The following ASAP1 variants were observed in gnomAD, a reference collection of about 807,000 sequenced individuals.
ASAP1 encodes the protein ArfGAP with SH3 domain, ankyrin repeat and PH domain 1.
Under a neutral mutation model 145.2 loss-of-function variants are expected in ASAP1, and 43 were observed. That is an observed-to-expected ratio of 0.30 (90% confidence interval 0.23 to 0.38). The LOEUF is 0.38. Among genes scored for constraint, ASAP1 ranks in the 10% least tolerant of loss-of-function variants. The pLI is 1.00. For missense variants in ASAP1, 1,018 were observed against 1,355.3 expected, an observed-to-expected ratio of 0.75 and a Z score of 3.91; for synonymous variants, 546 against 515.5, an observed-to-expected ratio of 1.06 and a Z score of -0.80.
chr8:130,382,489 G>C (rs557121422), intron 2 of ASAP1, among the ~76,000 whole-genome samples: 1 of 152,266 alleles, frequency 6.6e-6, no homozygotes, highest in African/African-American at 2.4e-5. Context: ...CAGGGAGGAA[G>C]GACCAAACTC....
At chr8:130,207,714 C>T (rs1197274624) in intron 5 of ASAP1, among the ~76,000 whole-genome samples, 1 of 152,130 alleles carries the variant, frequency 6.6e-6, no homozygotes, top group Non-Finnish European at 1.5e-5. Flanking sequence ...GTAAAAACAA[C>T]AGCAATAGAA....
chr8:130,214,779 T>C lies in ASAP1; in HGVS notation c.260-78A>G, dbSNP rs903621796. 3.3e-6 allele frequency: 4 copies of C among 1,221,864 alleles called. No individual in the cohort carries two copies. The African/African-American group carries it at 4.6e-5, about 14-fold the overall frequency. 75.7% of individuals were successfully genotyped at this position (1,221,864 alleles called of 1,614,324 possible). ...AAAAGTTACTTTGAACACCGATCAC[T>C]ACGAATTCTCAAAATGGAAGCATAA... On this transcript the variant is annotated intron_variant, in intron 4 of 29. Transcript: ENST00000518721.
chr8:130,056,271 T>G (rs1220771247), intron 29 of ASAP1, among the ~76,000 whole-genome samples: 1 of 152,216 alleles, frequency 6.6e-6, no homozygotes, highest in East Asian at 1.9e-4. Flanking sequence ...GCCCACCTCC[T>G]CGTCATGAGA....
At chr8:130,072,825 G>GTGTGTGTGTGTGCGCGCGCGCA in intron 27 of ASAP1, among the ~76,000 whole-genome samples, 21 of 54,088 alleles carry the variant, frequency 3.9e-4, no homozygotes, top group Non-Finnish European at 5.1e-4. Flanking sequence ...GTGTGTGTGT[G>GTGTGTGTGTGTGCGCGCGCGCA]CGCGCGGGGG....
At chr8:130,118,007 G>C (rs1397487739) in intron 20 of ASAP1, among the ~76,000 whole-genome samples, 154 bp downstream of exon 20, 2 of 152,204 alleles carry the variant, frequency 1.3e-5, no homozygotes, top group Non-Finnish European at 2.9e-5. Context: ...CTCTGACAGA[G>C]AGACTTCATG....
intron 5 of ASAP1, 66 bp from the exon 6 acceptor site, chr8:130,188,249 C>T: frequency 8.1e-7 from 1 of 1,235,868 alleles, no homozygotes; most frequent in Non-Finnish European, 1.2e-6. Context: ...ATAAAACCAG[C>T]TACTATTGAC....
intron 2 of ASAP1, among the ~76,000 whole-genome samples, chr8:130,369,824 G>T (rs1247747548): frequency 6.6e-6 from 1 of 152,172 alleles, no homozygotes; most frequent in Non-Finnish European, 1.5e-5. Flanking sequence ...CTCCTCAAAA[G>T]GTTAAACCAA....
At chr8:130,070,868 A>AGAGAGAGG (rs1231848413) in intron 27 of ASAP1, among the ~76,000 whole-genome samples, 4 of 3,028 alleles carry the variant, frequency 1.3e-3, no homozygotes, top group Admixed American at 7.4e-3. Flanking sequence ...GGAGAGAGGG[A>AGAGAGAGG]GAGAGAGGGA....
Position 130,228,782 on chromosome 8 carries a change from G to GA in ASAP1, c.259+8139dup, listed in dbSNP as rs375201336. Among the ~76,000 whole-genome samples, 329 of 150,048 alleles carry GA rather than the reference G, an allele frequency of 2.2e-3. 2 individuals are homozygous for GA. Among genetic ancestry groups the GA allele is most frequent in the African/African-American group, 6.5e-3 (266 of 40,934 alleles). ...AACTTGAAAAATATATAAACAATGG[G>GA]AAAAAACCTTTAAAAAGACCAGTGG... is the stretch of plus-strand genomic sequence containing the variant. On this transcript the variant is annotated intron_variant, in intron 4 of 29. Coordinates refer to ENST00000518721, the MANE Select transcript of ASAP1 (RefSeq NM_018482.4).
At chr8:130,247,354 C>G (rs1179744963) in intron 3 of ASAP1, among the ~76,000 whole-genome samples, 1 of 152,012 alleles carries the variant, frequency 6.6e-6, no homozygotes, top group Non-Finnish European at 1.5e-5. Context: ...TTTCTATTAC[C>G]TATGTTTGAC....
At chr8:130,165,235 C>T (rs2097677615) in intron 11 of ASAP1, among the ~76,000 whole-genome samples, 1 of 152,104 alleles carries the variant, frequency 6.6e-6, no homozygotes, top group Admixed American at 6.6e-5. Flanking sequence ...TGTAACAGTC[C>T]TCCTCTTTAT....
intron 3 of ASAP1, among the ~76,000 whole-genome samples, chr8:130,305,602 G>C (rs965070992): frequency 3.9e-5 from 6 of 152,124 alleles, no homozygotes; most frequent in African/African-American, 1.4e-4. Flanking sequence ...CAGAACTCCT[G>C]ATCTCAGGTG....
In ASAP1 at chr8:130,054,800, G is replaced by A. The variant is rs747638941; in HGVS notation, c.3321C>T (p.Gly1107=). The A allele has an allele frequency of 1.4e-5, 22 of 1,613,064 alleles. No individual in the cohort carries two copies. In the East Asian group the frequency reaches 4.5e-4, roughly 33 times the overall value. ...TGEEDQEWWI[G]HIEGQPERKG... ...TCCTTTCAGGCTGTCCTTCGATGTG[G>A]CCAATCTGCAGGGAGAAAAGAGAGT... Residue 1107 remains glycine (G), a synonymous_variant, in exon 30 of 30, where the codon GGC becomes GGT. Coordinates refer to ENST00000518721, the MANE Select transcript of ASAP1 (RefSeq NM_018482.4).
Position 130,128,033 on chromosome 8 carries a change from T to G in ASAP1, c.1275A>C (p.Gly425=). The G allele has an allele frequency of 6.2e-7, 1 of 1,613,682 alleles. No homozygotes were observed. The highest frequency in any genetic ancestry group is 8.5e-7 in the Non-Finnish European group (1 of 1,179,854). Residue 425 remains glycine, a synonymous_variant, in exon 16 of 30, where the codon GGA becomes GGC. Transcript: ENST00000518721. The part of the protein sequence containing the change: ...KEEALTMAFR[G]EQSAGENSLE... ...GGCTGTTCTCTCCCGCACTCTGCTC[T>G]CCACGGAAGGCCATGGTTAGGGCCT...
At chr8:130,366,287 TA>T (rs1163368320) in intron 2 of ASAP1, among the ~76,000 whole-genome samples, 1 of 152,238 alleles carries the variant, frequency 6.6e-6, no homozygotes, top group Non-Finnish European at 1.5e-5. Context: ...CACCATCACT[TA>T]ACTGACACTC....
intron 17 of ASAP1, among the ~76,000 whole-genome samples, chr8:130,124,729 T>C (rs892785785): frequency 6.6e-6 from 1 of 152,216 alleles, no homozygotes; most frequent in Non-Finnish European, 1.5e-5. Context: ...GAAACATACA[T>C]GCAACCATGT....
At chr8:130,314,048 T>G (rs1417794958) in intron 3 of ASAP1, among the ~76,000 whole-genome samples, 3 of 152,208 alleles carry the variant, frequency 2.0e-5, no homozygotes, top group African/African-American at 7.2e-5. Context: ...AAGTACTGCA[T>G]GTAAATGGAC....
rs554028275 is a variant in ASAP1 at position 130,365,366 on chromosome 8, A to G, written c.60-7223T>C. Among the ~76,000 whole-genome samples, 3 of 152,222 alleles carry G rather than the reference A, an allele frequency of 2.0e-5. No individual in the cohort carries two copies. The East Asian group carries it at 5.8e-4, about 29-fold the overall frequency. On this transcript the variant is annotated intron_variant, in intron 2 of 29. Transcript: ENST00000518721. ...GTGGGCCCCCATAAATGTGTTTTGA[A>G]TTGAACTGGCTCCCTTTTATGAGCT...
intron 1 of ASAP1, among the ~76,000 whole-genome samples, chr8:130,402,674 G>A (rs370374288): frequency 2.6e-5 from 4 of 152,018 alleles, no homozygotes; most frequent in African/African-American, 4.8e-5. Context: ...GCGAAAAACC[G>A]AGAGACATCT....
Sources: gnomAD v4.1 joint callset for allele counts (sites outside exome capture counted in the v4.1 genomes callset) on GRCh38, gnomAD v4.1.1 for gene constraint, MANE v1.5 for transcripts, NCBI Gene and HGNC (gene_info 2026-07-23, HGNC 2026-07-21) for gene names.